Variants in UBAP1 observed in about 807,000 individuals in gnomAD.
UBAP1 encodes ubiquitin associated protein 1.
UBAP1 carries 5 observed loss-of-function variants against 39.0 expected under a neutral mutation model. The observed-to-expected ratio is 0.13, with a 90% CI of 0.07 to 0.27. The LOEUF (loss-of-function observed/expected upper bound fraction) is 0.27. Ranked by LOEUF, UBAP1 falls within the 10% of genes least tolerant of loss-of-function variation. The probability of loss-of-function intolerance (pLI) is 1.00; values close to 1 mark genes in which losing one functional copy is unlikely to be tolerated. For missense variants in UBAP1, 490 were observed against 608.1 expected (o/e 0.81, Z 2.04); for synonymous variants, 211 against 225.1 (o/e 0.94, Z 0.56).
intron 1 of UBAP1, among the ~76,000 whole-genome samples, chr9:34,182,860 A>G (rs1431433235): frequency 6.6e-6 from 1 of 151,682 alleles, no homozygotes; most frequent in Non-Finnish European, 1.5e-5. Flanking sequence ...ACAGGTGCCC[A>G]CCACCACGCC....
intron 1 of UBAP1, among the ~76,000 whole-genome samples, chr9:34,182,659 C>CT (rs781768744): frequency 1.8e-5 from 1 of 55,206 alleles, no homozygotes; most frequent in Admixed American, 2.3e-4. Flanking sequence ...TTCTTTCTTT[C>CT]TTTCTTTCTT....
chr9:34,241,415 C>T lies in UBAP1; in HGVS notation c.390C>T (p.Leu130=), dbSNP rs142925913. The T allele has an allele frequency of 4.6e-5, 73 of 1,583,778 alleles. No individual in the cohort carries two copies. The African/African-American group carries it at 9.0e-4, about 19-fold the overall frequency. ...CCAGCTTGCAGCACAACAGCATCCTCACACCAACTCGGGTCAGCAGTAGTG... is the reference window on the plus strand; with the variant it reads ...CCAGCTTGCAGCACAACAGCATCCTTACACCAACTCGGGTCAGCAGTAGTG... ...ILASLQHNSI[L]TPTRVSSSAT... Residue 130 remains leucine, a synonymous_variant, in exon 4 of 7, where the codon CTC becomes CTT. Transcript: ENST00000297661.
intron 1 of UBAP1, among the ~76,000 whole-genome samples, chr9:34,196,305 A>G (rs1831050335): frequency 1.4e-5 from 1 of 73,680 alleles, no homozygotes; most frequent in South Asian, 6.4e-4. Flanking sequence ...AAGCTTGGCT[A>G]ATTAAAAACA....
chr9:34,205,578 C>G (rs1831639005), intron 1 of UBAP1, among the ~76,000 whole-genome samples: 1 of 152,274 alleles, frequency 6.6e-6, no homozygotes, highest in East Asian at 1.9e-4. Flanking sequence ...TGAAAAGCCA[C>G]TCCTGCTAAA....
intron 1 of UBAP1, among the ~76,000 whole-genome samples, chr9:34,195,926 G>GTTT (rs1491276146): frequency 7.0e-5 from 3 of 42,590 alleles, no homozygotes; most frequent in South Asian, 1.9e-3. Flanking sequence ...CAAATTTTTT[G>GTTT]GTTTTTTTTT....
intron 4 of UBAP1, among the ~76,000 whole-genome samples, chr9:34,248,079 AGGCTGGAGTGCAAT>A (rs1378588887): frequency 2.6e-5 from 4 of 151,326 alleles, no homozygotes; most frequent in Admixed American, 1.3e-4. Context: ...TCTGTCACCC[AGGCTGGAGTGCAAT>A]GGCATGGTCT....
chr9:34,243,071 C>T (rs949030449), intron 4 of UBAP1, among the ~76,000 whole-genome samples: 3 of 151,952 alleles, frequency 2.0e-5, no homozygotes, highest in African/African-American at 2.4e-5. Context: ...AACCTTGGCC[C>T]GGGTAAACTT....
chr9:34,234,188 A>G (rs768657842), intron 2 of UBAP1, 28 bp from the exon 3 acceptor site: 2 of 1,579,982 alleles, frequency 1.3e-6, no homozygotes, highest in African/African-American at 1.4e-5. Flanking sequence ...TTCTTTGCTG[A>G]TATTTTCTAC....
At chr9:34,234,416 G>GA (rs1286322893) in intron 3 of UBAP1, 76 bp downstream of exon 3, 2 of 1,485,660 alleles carry the variant, frequency 1.3e-6, no homozygotes, top group Admixed American at 2.4e-5. Context: ...TAGTGAAATA[G>GA]AAAAAATTAC....
At chr9:34,226,133 G>GTGTGTGTGTGTGTT (rs1554650850) in intron 2 of UBAP1, among the ~76,000 whole-genome samples, 9 of 143,244 alleles carry the variant, frequency 6.3e-5, no homozygotes, top group South Asian at 4.4e-4. Context: ...GTGTGTGTGT[G>GTGTGTGTGTGTGTT]TGTGTGTGTG....
At chr9:34,242,884 C>G (rs918066015) in intron 4 of UBAP1, among the ~76,000 whole-genome samples, 2 of 152,144 alleles carry the variant, frequency 1.3e-5, no homozygotes, top group African/African-American at 4.8e-5. Flanking sequence ...CAAAAAGGAG[C>G]CTGAGTATAT....
chr9:34,202,191 G>A (rs746528013), intron 1 of UBAP1, among the ~76,000 whole-genome samples: 5 of 152,034 alleles, frequency 3.3e-5, no homozygotes, highest in Non-Finnish European at 5.9e-5. Context: ...TTTGAGACAC[G>A]CTTTCACTCT....
At chr9:34,239,956 T>TA (rs1369898452) in intron 3 of UBAP1, among the ~76,000 whole-genome samples, 1 of 152,112 alleles carries the variant, frequency 6.6e-6, no homozygotes, top group Non-Finnish European at 1.5e-5. Context: ...CTTTGGTAAC[T>TA]AAAAAACAAA....
chr9:34,182,681 T>C (rs12002755), intron 1 of UBAP1, among the ~76,000 whole-genome samples: 36,598 of 114,790 alleles, frequency 0.32, 6,578 homozygotes, highest in East Asian at 0.66. Context: ...CTTTCTTTCT[T>C]TCTCTCTCTC....
chr9:34,182,615 CCTTCTTT>C (rs1830108054), intron 1 of UBAP1, among the ~76,000 whole-genome samples: 1 of 145,144 alleles, frequency 6.9e-6, no homozygotes, highest in Admixed American at 7.1e-5. Context: ...TTCTTTCTTT[CCTTCTTT>C]CTTTCTTTCT....
chr9:34,219,055 A>G (rs1563905399), intron 1 of UBAP1, among the ~76,000 whole-genome samples: 1 of 151,484 alleles, frequency 6.6e-6, no homozygotes, highest in African/African-American at 2.4e-5. Context: ...AACAGAATAC[A>G]CTCTATCTCT....
rs183607850 is a variant in UBAP1, at chr9:34,197,648, C to G, written c.-8+18408C>G. ...CACTGTAGCCTCTGCCTCCTGGGTT[C>G]AAGTGATTGTCCTGCCTCAGCCTCC... On this transcript the variant is annotated intron_variant, in intron 1 of 6. Coordinates refer to ENST00000297661, the MANE Select transcript of UBAP1 (RefSeq NM_016525.5). Among the ~76,000 whole-genome samples the G allele has an allele frequency of 5.5e-4, 83 of 152,200 alleles. 1 individual carries two copies. The highest frequency in any genetic ancestry group is 5.3e-3 in the Admixed American group (81 of 15,268).
intron 1 of UBAP1, among the ~76,000 whole-genome samples, chr9:34,188,855 G>T (rs894152217): frequency 6.6e-6 from 1 of 152,106 alleles, no homozygotes; most frequent in African/African-American, 2.4e-5. Context: ...TACTCAGGAG[G>T]CTGAGGCAGG....
chr9:34,238,048 G>A (rs1028959379), intron 3 of UBAP1, among the ~76,000 whole-genome samples: 3 of 152,158 alleles, frequency 2.0e-5, no homozygotes, highest in African/African-American at 4.8e-5. Flanking sequence ...CTGGCAACCA[G>A]TATCTACTTT....
Sources: gnomAD v4.1 joint callset for allele counts (sites outside exome capture counted in the v4.1 genomes callset) on GRCh38, gnomAD v4.1.1 for gene constraint, MANE v1.5 for transcripts, NCBI Gene and HGNC (gene_info 2026-07-23, HGNC 2026-07-21) for gene names.